COL22A1: variants seen among roughly 807,000 people sequenced by gnomAD.
COL22A1 encodes the protein collagen type XXII alpha 1 chain, also known as collagen alpha-1(XXII) chain.
A neutral mutation model predicts 248.9 loss-of-function variants in COL22A1; 221 were observed. The observed-to-expected ratio is 0.89, with a 90% confidence interval of 0.80 to 0.99. COL22A1 has a LOEUF of 0.99. COL22A1 is among the 50% of genes least tolerant of loss of function. The probability of loss-of-function intolerance (pLI) is 0.00; values close to 1 mark genes in which losing one functional copy is unlikely to be tolerated. For synonymous variants in COL22A1, 891 were observed against 793.4 expected (o/e 1.12, Z -2.07); for missense variants, 2,240 against 2,179.0 (o/e 1.03, Z -0.56).
chr8:138,652,735 GTTTT>G (rs71316352), intron 45 of COL22A1, among the ~76,000 whole-genome samples: 25 of 54,272 alleles, frequency 4.6e-4, no homozygotes, highest in African/African-American at 9.5e-4. Flanking sequence ...TCCTTTTCTG[GTTTT>G]TTTTTTTTTT....
At chr8:138,660,850 AC>A (rs1173621147) in intron 43 of COL22A1, among the ~76,000 whole-genome samples, 13 of 144,488 alleles carry the variant, frequency 9.0e-5, no homozygotes, top group East Asian at 4.1e-4. Context: ...ACACACACAC[AC>A]ATACACAGAC....
At position 138,649,653 on chromosome 8, in the gene COL22A1, T is replaced by C. The variant is rs749970848; in HGVS notation, c.3447+12A>G. The C allele has an allele frequency of 1.9e-6, 3 of 1,608,730 alleles. No individual in the cohort carries two copies. Among genetic ancestry groups the C allele is most frequent in the East Asian group, 4.5e-5 (2 of 44,830 alleles). ...GTAATGATAAAAATCGAGTTTCCCCTTTTCTCCTTACCTTTTTCCCTTCTG... is the reference window on the plus strand; with the variant it reads ...GTAATGATAAAAATCGAGTTTCCCCCTTTCTCCTTACCTTTTTCCCTTCTG... On this transcript the variant is annotated intron_variant, in intron 46 of 64. Transcript: ENST00000303045.
intron 1 of COL22A1, among the ~76,000 whole-genome samples, chr8:138,889,127 G>A (rs1271211866): frequency 6.6e-6 from 1 of 152,144 alleles, no homozygotes; most frequent in Non-Finnish European, 1.5e-5. Flanking sequence ...GGAGGACACT[G>A]AGGTGGAGAG....
chr8:138,734,440 G>T (rs984967163), intron 23 of COL22A1, among the ~76,000 whole-genome samples: 1 of 152,204 alleles, frequency 6.6e-6, no homozygotes, highest in Non-Finnish European at 1.5e-5. Context: ...ATAGTAAGCA[G>T]GAGAAAACAG....
At chr8:138,894,882 T>C (rs76671630) in intron 1 of COL22A1, among the ~76,000 whole-genome samples, 4,832 of 152,024 alleles carry the variant, frequency 0.032, 255 homozygotes, top group African/African-American at 0.11. Flanking sequence ...TATTTTTACC[T>C]TAAAAAACAA....
intron 3 of COL22A1, among the ~76,000 whole-genome samples, chr8:138,874,175 C>T (rs1823542408): frequency 6.6e-6 from 1 of 152,206 alleles, no homozygotes; most frequent in African/African-American, 2.4e-5. Flanking sequence ...ATAGACCAGG[C>T]CCTCTTCATC....
intron 5 of COL22A1, among the ~76,000 whole-genome samples, chr8:138,828,267 C>A (rs1819756507): frequency 6.6e-6 from 1 of 152,054 alleles, no homozygotes; most frequent in African/African-American, 2.4e-5. Context: ...TCCTAGACAA[C>A]ACATATGTGG....
intron 16 of COL22A1, among the ~76,000 whole-genome samples, chr8:138,772,430 G>T (rs1586706237): frequency 6.6e-6 from 1 of 152,206 alleles, no homozygotes; most frequent in East Asian, 1.9e-4. Flanking sequence ...AGAAGGAGAG[G>T]CTCTGGGACA....
intron 37 of COL22A1, among the ~76,000 whole-genome samples, chr8:138,685,736 A>G (rs1418432807): frequency 6.6e-6 from 1 of 152,202 alleles, no homozygotes; most frequent in African/African-American, 2.4e-5. Context: ...TGCTTCCTTC[A>G]CAGCCCTGAG....
At position 138,596,980 on chromosome 8, in the gene COL22A1, A is replaced by G; in HGVS notation, c.4366-10T>C. 1 of 1,612,470 alleles carries G rather than the reference A, an allele frequency of 6.2e-7. No individual in the cohort carries two copies. The highest frequency in any genetic ancestry group is 8.5e-7 in the Non-Finnish European group (1 of 1,178,850). Reference sequence around the variant, plus strand: ...TGGATGGAGACTCCCCCTAGGAGGGAGGGAAGGTGGAGTCATTCATCTTCC... The same window carrying G: ...TGGATGGAGACTCCCCCTAGGAGGGGGGGAAGGTGGAGTCATTCATCTTCC... On this transcript the variant is annotated splice_polypyrimidine_tract_variant and intron_variant, in intron 61 of 64. Coordinates refer to ENST00000303045, the MANE Select transcript of COL22A1 (RefSeq NM_152888.3).
intron 45 of COL22A1, among the ~76,000 whole-genome samples, chr8:138,650,326 A>G (rs1822591669): frequency 6.6e-6 from 1 of 152,148 alleles, no homozygotes; most frequent in Non-Finnish European, 1.5e-5. Context: ...GACCATGCTT[A>G]GCTTTATTTT....
chr8:138,752,468 A>G (rs1832682496), intron 21 of COL22A1, among the ~76,000 whole-genome samples: 1 of 152,238 alleles, frequency 6.6e-6, no homozygotes. Context: ...GAATAAATCA[A>G]TGGACAAACT....
At chr8:138,629,698 G>A (rs62527861) in intron 50 of COL22A1, among the ~76,000 whole-genome samples, 12,619 of 152,220 alleles carry the variant, frequency 0.083, 663 homozygotes, top group African/African-American at 0.15. Context: ...ACTAATTTCC[G>A]TATGACTTTG....
chr8:138,600,133 T>C (rs1015976160), intron 60 of COL22A1, among the ~76,000 whole-genome samples: 2 of 152,192 alleles, frequency 1.3e-5, no homozygotes, highest in African/African-American at 4.8e-5. Context: ...ACCAATGATT[T>C]GGGAACTATG....
chr8:138,895,031 C>A (rs1825304625), intron 1 of COL22A1, among the ~76,000 whole-genome samples: 1 of 150,032 alleles, frequency 6.7e-6, no homozygotes, highest in Non-Finnish European at 1.5e-5. Flanking sequence ...TGCACTCCAG[C>A]CTGGACAACA....
At chr8:138,719,587 G>A (rs1554600630) in intron 27 of COL22A1, among the ~76,000 whole-genome samples, 1 of 152,170 alleles carries the variant, frequency 6.6e-6, no homozygotes, top group Non-Finnish European at 1.5e-5. Flanking sequence ...TTTTAAAAAT[G>A]ACCACTTTAT....
At chr8:138,868,969 T>C (rs1745718625) in intron 3 of COL22A1, among the ~76,000 whole-genome samples, 3 of 152,268 alleles carry the variant, frequency 2.0e-5, no homozygotes, top group African/African-American at 7.2e-5. Context: ...TGACCTCAGG[T>C]GATCCACCTG....
intron 47 of COL22A1, among the ~76,000 whole-genome samples, chr8:138,642,413 G>C (rs1414567406): frequency 6.6e-6 from 1 of 152,130 alleles, no homozygotes; most frequent in Non-Finnish European, 1.5e-5. Flanking sequence ...AACTGCCTGG[G>C]GCTCATCATG....
At chr8:138,759,547 A>G (rs969907285) in intron 18 of COL22A1, among the ~76,000 whole-genome samples, 15 of 152,212 alleles carry the variant, frequency 9.9e-5, no homozygotes, top group Non-Finnish European at 2.9e-5. Context: ...ATGCCAATCC[A>G]GAATACAACA....
Sources: gnomAD v4.1 joint callset for allele counts (sites outside exome capture counted in the v4.1 genomes callset) on GRCh38, gnomAD v4.1.1 for gene constraint, MANE v1.5 for transcripts, NCBI Gene and HGNC (gene_info 2026-07-23, HGNC 2026-07-21) for gene names.